TRDN: variants seen among roughly 807,000 people sequenced by gnomAD.
The protein encoded by TRDN is triadin in skeletal muscle.
In TRDN, 161 loss-of-function variants were observed where a neutral mutation model predicts 149.7. The ratio of observed to expected loss-of-function variants is 1.08; its 90% CI spans 0.95 to 1.23. TRDN has a LOEUF of 1.23. Ranked by LOEUF, TRDN falls within the 50% of genes most tolerant of loss-of-function variation. The pLI is 0.00. For missense variants in TRDN, 896 were observed against 823.5 expected (o/e 1.09, Z -1.08); for synonymous variants, 294 against 250.5 (o/e 1.17, Z -1.64).
chr6:123,521,165 A>C (rs114067948), intron 5 of TRDN, among the ~76,000 whole-genome samples: 1 of 152,146 alleles, frequency 6.6e-6, no homozygotes, highest in African/African-American at 2.4e-5. Context: ...CACCCTTTTT[A>C]AAAACAATCC....
At chr6:123,274,044 A>C (rs1194583791) in intron 27 of TRDN, among the ~76,000 whole-genome samples, 2 of 152,100 alleles carry the variant, frequency 1.3e-5, no homozygotes, top group Non-Finnish European at 2.9e-5. Flanking sequence ...CCTAGCTTCA[A>C]CATTGATTAA....
chr6:123,546,091 T>G (rs902019665), intron 4 of TRDN, among the ~76,000 whole-genome samples: 1 of 152,132 alleles, frequency 6.6e-6, no homozygotes, highest in Non-Finnish European at 1.5e-5. Context: ...CACTTAAAGC[T>G]TGACTATGTT....
At chr6:123,361,426 A>G (rs1300895663) in intron 20 of TRDN, among the ~76,000 whole-genome samples, 1 of 152,048 alleles carries the variant, frequency 6.6e-6, no homozygotes, top group Non-Finnish European at 1.5e-5. Context: ...AATGTAGATG[A>G]TGGGTTGATG....
intron 4 of TRDN, among the ~76,000 whole-genome samples, chr6:123,536,760 CT>C (rs1780563118): frequency 6.6e-6 from 1 of 151,542 alleles, no homozygotes. Context: ...TGGTGCACAA[CT>C]GTAGTCCAGC....
In TRDN at chr6:123,593,218, A is replaced by G. The variant is rs139817324; in HGVS notation, c.23-22086T>C. 1.3e-4 allele frequency among the ~76,000 whole-genome samples: 20 copies of G among 152,344 alleles called. No homozygotes were observed. The East Asian group carries it at 1.9e-3, about 15-fold the overall frequency. ...CTATAGGTTTATATAACATCTCTGC[A>G]CCAGTGAAACTGAAAATCATCACAC... On this transcript the variant is annotated intron_variant, in intron 1 of 40. Transcript: ENST00000334268.
At chr6:123,321,516 T>G (rs2114708419) in intron 23 of TRDN, among the ~76,000 whole-genome samples, 1 of 152,234 alleles carries the variant, frequency 6.6e-6, no homozygotes, top group African/African-American at 2.4e-5. Flanking sequence ...TACTTGCTAT[T>G]ACTACTATTA....
intron 12 of TRDN, among the ~76,000 whole-genome samples, chr6:123,396,324 C>G (rs773282151): frequency 6.6e-6 from 1 of 152,168 alleles, no homozygotes; most frequent in Non-Finnish European, 1.5e-5. Context: ...GTTTCCAACA[C>G]CTACTACAGT....
chr6:123,520,822 C>T (rs1489904249), intron 5 of TRDN, among the ~76,000 whole-genome samples: 1 of 152,112 alleles, frequency 6.6e-6, no homozygotes, highest in African/African-American at 2.4e-5. Flanking sequence ...TTTGTGCACA[C>T]TCTTCTGGTT....
At chr6:123,570,305 A>G (rs947959760) in intron 2 of TRDN, among the ~76,000 whole-genome samples, 5 of 152,234 alleles carry the variant, frequency 3.3e-5, no homozygotes, top group Non-Finnish European at 7.3e-5. Context: ...GCTCACAGTC[A>G]ATAGAGGGTG....
chr6:123,413,950 T>C (rs879931774), intron 12 of TRDN, among the ~76,000 whole-genome samples: 3 of 152,108 alleles, frequency 2.0e-5, no homozygotes, highest in African/African-American at 7.2e-5. Flanking sequence ...TTACTAAGTG[T>C]TGGTTAGTAA....
At chr6:123,241,676 G>A (rs754018818) in intron 38 of TRDN, among the ~76,000 whole-genome samples, 1 of 151,888 alleles carries the variant, frequency 6.6e-6, no homozygotes, top group Non-Finnish European at 1.5e-5. Context: ...AGCAGGCTTG[G>A]TTGAAACTTC....
intron 15 of TRDN, among the ~76,000 whole-genome samples, 160 bp downstream of exon 15, chr6:123,381,958 T>C (rs928071352): frequency 7.1e-6 from 1 of 140,022 alleles, no homozygotes; most frequent in Admixed American, 7.1e-5. Flanking sequence ...GATTTGGCGC[T>C]CTCTCTCTCT....
chr6:123,517,156 T>C (rs1209052411), intron 5 of TRDN, among the ~76,000 whole-genome samples: 1 of 151,972 alleles, frequency 6.6e-6, no homozygotes, highest in South Asian at 2.1e-4. Flanking sequence ...ATATGTAAGG[T>C]GGAATGTTGA....
chr6:123,587,224 C>A (rs188486394), intron 1 of TRDN, among the ~76,000 whole-genome samples: 106 of 152,218 alleles, frequency 7.0e-4, no homozygotes, highest in African/African-American at 2.3e-3. Context: ...GAAACCTGGA[C>A]GAATAATCAG....
chr6:123,388,618 G>C, intron 13 of TRDN, 67 bp from the exon 14 acceptor site: 1 of 1,523,268 alleles, frequency 6.6e-7, no homozygotes, highest in South Asian at 1.2e-5. Flanking sequence ...CCCAGAATAT[G>C]AGAATGTATT....
At chr6:123,570,786 G>A (rs1782533080) in intron 2 of TRDN, 137 bp downstream of exon 2, 1 of 697,880 alleles carries the variant, frequency 1.4e-6, no homozygotes, top group Non-Finnish European at 2.3e-6. Context: ...ACAGATTTCA[G>A]TGATCCTCAA....
intron 1 of TRDN, among the ~76,000 whole-genome samples, chr6:123,592,076 TTC>T (rs1344343098): frequency 6.6e-6 from 1 of 152,190 alleles, no homozygotes; most frequent in Non-Finnish European, 1.5e-5. Context: ...TTGCTTAGTC[TTC>T]AACATTCTCA....
chr6:123,229,981 C>T (rs1775536384), intron 38 of TRDN, among the ~76,000 whole-genome samples: 2 of 151,814 alleles, frequency 1.3e-5, no homozygotes, highest in Admixed American at 1.3e-4. Flanking sequence ...CACAGAATTC[C>T]TTTATCATCT....
chr6:123,567,174 A>C (rs1782335670), intron 2 of TRDN, among the ~76,000 whole-genome samples: 1 of 152,240 alleles, frequency 6.6e-6, no homozygotes, highest in African/African-American at 2.4e-5. Flanking sequence ...TTAAAACTCT[A>C]GGTCATAATT....
Sources: allele counts gnomAD v4.1 joint callset (sites outside exome capture counted in the v4.1 genomes callset), GRCh38; gene constraint gnomAD v4.1.1; transcripts MANE v1.5; gene names NCBI Gene and HGNC (gene_info 2026-07-23, HGNC 2026-07-21).